Variants in UTRN observed in about 807,000 individuals in gnomAD.
UTRN encodes utrophin.
A neutral mutation model predicts 463.9 loss-of-function variants in UTRN; 283 were observed. The ratio of observed to expected loss-of-function variants is 0.61; its 90% CI spans 0.55 to 0.67. UTRN has a LOEUF of 0.67. Ranked by LOEUF, UTRN falls within the 30% of genes least tolerant of loss-of-function variation. The pLI is 0.00. For missense variants in UTRN, 3,922 were observed against 4,084.3 expected, an observed-to-expected ratio of 0.96 and a Z score of 1.08; for synonymous variants, 1,442 against 1,431.5, an observed-to-expected ratio of 1.01 and a Z score of -0.17.
At chr6:144,481,155 A>G (rs751868906) in intron 26 of UTRN, among the ~76,000 whole-genome samples, 3 of 152,204 alleles carry the variant, frequency 2.0e-5, no homozygotes, top group Non-Finnish European at 4.4e-5. Flanking sequence ...TATTCTTTCA[A>G]ACAGCCATTA....
chr6:144,536,729 A>G (rs1246659216), intron 43 of UTRN, among the ~76,000 whole-genome samples: 1 of 152,082 alleles, frequency 6.6e-6, no homozygotes, highest in East Asian at 1.9e-4. Context: ...GCAGTTAATT[A>G]TAGCAGCTAT....
chr6:144,552,587 T>G (rs936002232), intron 48 of UTRN, among the ~76,000 whole-genome samples: 2 of 152,224 alleles, frequency 1.3e-5, no homozygotes, highest in African/African-American at 2.4e-5. Flanking sequence ...TCCCATTGAA[T>G]GTACACACTC....
At chr6:144,780,114 A>G (rs1423312971) in intron 60 of UTRN, among the ~76,000 whole-genome samples, 2 of 152,210 alleles carry the variant, frequency 1.3e-5, no homozygotes, top group African/African-American at 4.8e-5. Flanking sequence ...AAAATTCAAA[A>G]TTATTAGTTA....
intron 69 of UTRN, among the ~76,000 whole-genome samples, chr6:144,834,482 C>T (rs1408827420): frequency 6.6e-6 from 1 of 152,182 alleles, no homozygotes; most frequent in African/African-American, 2.4e-5. Flanking sequence ...GATCTCAATG[C>T]TTAGGATAAA....
chr6:144,368,837 G>A (rs1424210876), intron 2 of UTRN, among the ~76,000 whole-genome samples: 1 of 152,178 alleles, frequency 6.6e-6, no homozygotes, highest in African/African-American at 2.4e-5. Context: ...TTTAGTGGCA[G>A]TTTGGAAATT....
intron 73 of UTRN, among the ~76,000 whole-genome samples, chr6:144,844,253 C>T (rs1781833715): frequency 6.6e-6 from 1 of 151,506 alleles, no homozygotes; most frequent in Non-Finnish European, 1.5e-5. Flanking sequence ...GTGCCCAGTG[C>T]ATGTGTCTTT....
At chr6:144,427,239 T>TA (rs920578212) in intron 7 of UTRN, among the ~76,000 whole-genome samples, 28 of 148,672 alleles carry the variant, frequency 1.9e-4, no homozygotes, top group East Asian at 1.2e-3. Context: ...TTCACCACAC[T>TA]AAAAAAAAAA....
chr6:144,784,793 A>G (rs1033153349), intron 61 of UTRN, among the ~76,000 whole-genome samples: 1 of 152,218 alleles, frequency 6.6e-6, no homozygotes, highest in Non-Finnish European at 1.5e-5. Context: ...ACAATTTGCC[A>G]CTGTTTCTCA....
intron 51 of UTRN, among the ~76,000 whole-genome samples, chr6:144,676,891 A>G (rs1238759626): frequency 6.6e-6 from 1 of 152,190 alleles, no homozygotes; most frequent in Non-Finnish European, 1.5e-5. Flanking sequence ...TGTAAGATGT[A>G]ATATTTTAAG....
At chr6:144,335,643 A>G (rs1206210714) in intron 2 of UTRN, among the ~76,000 whole-genome samples, 5 of 152,068 alleles carry the variant, frequency 3.3e-5, no homozygotes, top group East Asian at 3.9e-4. Flanking sequence ...GCTTAAACCT[A>G]TCAGCTGCCT....
intron 66 of UTRN, among the ~76,000 whole-genome samples, chr6:144,826,161 A>AAAATAAATAAATAAATAAATAAATAAAT (rs372490067): frequency 6.7e-6 from 1 of 148,592 alleles, no homozygotes; most frequent in Non-Finnish European, 1.5e-5. Flanking sequence ...AATAAAAGAA[A>AAAATAAATAAATAAATAAATAAATAAAT]AAATAAATAA....
intron 50 of UTRN, among the ~76,000 whole-genome samples, chr6:144,560,597 G>A (rs1799780019): frequency 6.6e-6 from 1 of 152,102 alleles, no homozygotes; most frequent in Admixed American, 6.6e-5. Flanking sequence ...GGAATACTGT[G>A]CAGCATAATG....
At chr6:144,292,153 G>T (rs1356586617) in intron 2 of UTRN, among the ~76,000 whole-genome samples, 1 of 152,168 alleles carries the variant, frequency 6.6e-6, no homozygotes, top group Admixed American at 6.5e-5. Context: ...GCTAAAGGTT[G>T]TTCATTTGGA....
chr6:144,351,359 G>C (rs917938831), intron 2 of UTRN, among the ~76,000 whole-genome samples: 29 of 152,298 alleles, frequency 1.9e-4, no homozygotes, highest in Non-Finnish European at 4.0e-4. Context: ...AAATTTACCA[G>C]TGTGTCCTCG....
intron 51 of UTRN, among the ~76,000 whole-genome samples, chr6:144,592,207 C>A (rs1803150514): frequency 6.6e-6 from 1 of 151,918 alleles, no homozygotes; most frequent in Non-Finnish European, 1.5e-5. Context: ...ATTCAGGGAA[C>A]CCACTATGGT....
At position 144,510,948 on chromosome 6, in the gene UTRN, T is replaced by C; in HGVS notation, c.4769T>C (p.Val1590Ala). ...LDTEISWAKN[V>A]LKDLEKRKAD... ...CTTGGTGTTTTTATTTTCTAGAATG[T>C]TCTGAAGGATCTGGAAAAGAGAAAA... Residue 1590 changes from valine to alanine, a missense_variant, in exon 35 of 75, where the codon GTT becomes GCT. Coordinates refer to ENST00000367545, the MANE Select transcript of UTRN (RefSeq NM_007124.3). 1 of 1,587,826 alleles carries C rather than the reference T, an allele frequency of 6.3e-7. No individual in the cohort carries two copies. The highest frequency in any genetic ancestry group is 8.6e-7 in the Non-Finnish European group (1 of 1,163,132).
chr6:144,469,336 G>A (rs544982697), intron 23 of UTRN, among the ~76,000 whole-genome samples: 36 of 152,276 alleles, frequency 2.4e-4, no homozygotes, highest in Non-Finnish European at 3.1e-4. Context: ...AAAGCAGTTG[G>A]TTTTGTAGAT....
chr6:144,790,481 C>A (rs760836280), intron 62 of UTRN, among the ~76,000 whole-genome samples: 1 of 152,094 alleles, frequency 6.6e-6, no homozygotes, highest in Non-Finnish European at 1.5e-5. Flanking sequence ...AGGTCTAGAC[C>A]ATGATGGCTT....
intron 50 of UTRN, among the ~76,000 whole-genome samples, chr6:144,561,250 T>C (rs1257686658): frequency 0.068 from 3,526 of 51,798 alleles, 351 homozygotes; most frequent in East Asian, 0.22. Context: ...TATATATATA[T>C]ATATATATAT....
Sources: allele counts gnomAD v4.1 joint callset (sites outside exome capture counted in the v4.1 genomes callset), GRCh38; gene constraint gnomAD v4.1.1; transcripts MANE v1.5; gene names NCBI Gene and HGNC (gene_info 2026-07-23, HGNC 2026-07-21).